Variants in DENND1B observed in about 807,000 individuals in gnomAD.
DENND1B encodes the protein DENN domain containing 1B.
A neutral mutation model predicts 90.1 loss-of-function variants in DENND1B; 59 were observed. That is an observed-to-expected ratio of 0.65 (90% CI 0.53 to 0.81). The LOEUF (loss-of-function observed/expected upper bound fraction) is 0.81. DENND1B is among the 40% of genes least tolerant of loss of function. The pLI is 0.00. For missense variants in DENND1B, 862 were observed against 912.6 expected (o/e 0.94, Z 0.71); for synonymous variants, 337 against 324.6 (o/e 1.04, Z -0.41).
intron 5 of DENND1B, among the ~76,000 whole-genome samples, chr1:197,661,634 T>A (rs16841857): frequency 0.034 from 5,144 of 152,152 alleles, 285 homozygotes; most frequent in African/African-American, 0.12. Flanking sequence ...TTAAATAAAG[T>A]GAGGCCTTTG....
chr1:197,638,209 A>T (rs1476816659), intron 10 of DENND1B, among the ~76,000 whole-genome samples: 1 of 152,236 alleles, frequency 6.6e-6, no homozygotes, highest in Non-Finnish European at 1.5e-5. Context: ...CAGTTTATTA[A>T]CGTAATTCCA....
At chr1:197,642,609 T>C in intron 10 of DENND1B, 102 bp downstream of exon 10, 1 of 709,696 alleles carries the variant, frequency 1.4e-6, no homozygotes, top group East Asian at 2.8e-5. Flanking sequence ...GTAGATATTG[T>C]CTTATAAGTA....
chr1:197,710,423 T>C lies in DENND1B; in HGVS notation c.126+4608A>G, dbSNP rs1480902171. ...TCAAACTAGAACTCAAGATTAAGAA[T>C]CTCACTCAAAGCCGCTCAACTACAT... On this transcript the variant is annotated intron_variant, in intron 3 of 22. Coordinates refer to ENST00000620048, the MANE Select transcript of DENND1B (RefSeq NM_001195215.2). Among the ~76,000 whole-genome samples, 2 of 34,134 alleles carry C rather than the reference T, an allele frequency of 5.9e-5. 1 individual carries two copies. Among genetic ancestry groups the C allele is most frequent in the Admixed American group, 5.9e-4 (2 of 3,410 alleles). 22.4% of individuals were successfully genotyped at this position (34,134 alleles called of 152,430 possible).
chr1:197,529,268 GTA>G (rs142916713), intron 20 of DENND1B, among the ~76,000 whole-genome samples: 703 of 13,892 alleles, frequency 0.051, 8 homozygotes, highest in African/African-American at 0.076. Flanking sequence ...GTGTGTGTGT[GTA>G]TATGTATATA....
At chr1:197,632,116 T>C (rs1442409378) in intron 10 of DENND1B, among the ~76,000 whole-genome samples, 1 of 152,144 alleles carries the variant, frequency 6.6e-6, no homozygotes, top group African/African-American at 2.4e-5. Context: ...TGTAACAATC[T>C]TTTAACTGAT....
chr1:197,511,036 T>A, intron 22 of DENND1B, 64 bp from the exon 23 acceptor site: 1 of 1,386,456 alleles, frequency 7.2e-7, no homozygotes, highest in Non-Finnish European at 9.5e-7. Flanking sequence ...AGTTCTTTTT[T>A]CTCTTTTGAA....
chr1:197,705,747 T>TA (rs1659469425), intron 3 of DENND1B, among the ~76,000 whole-genome samples: 3 of 151,212 alleles, frequency 2.0e-5, no homozygotes, highest in Non-Finnish European at 4.4e-5. Flanking sequence ...TATATATATA[T>TA]TGGAATGGTA....
Position 197,628,108 on chromosome 1 carries a change from T to A in DENND1B, c.673-10349A>T, listed in dbSNP as rs370009695. 2.0e-4 allele frequency among the ~76,000 whole-genome samples: 31 copies of A among 152,044 alleles called. 1 individual carries two copies. Among genetic ancestry groups the A allele is most frequent in the African/African-American group, 6.3e-4 (26 of 41,506 alleles). Reference sequence around the variant, plus strand: ...GAAAATGGCCATACTGCCCAAGGTATTTTATAGATTCAATGCCATCCCCAT... The same window carrying A: ...GAAAATGGCCATACTGCCCAAGGTAATTTATAGATTCAATGCCATCCCCAT... On this transcript the variant is annotated intron_variant, in intron 10 of 22. Coordinates refer to ENST00000620048, the MANE Select transcript of DENND1B (RefSeq NM_001195215.2).
At chr1:197,704,901 G>T (rs114202841) in intron 3 of DENND1B, among the ~76,000 whole-genome samples, 5 of 152,132 alleles carry the variant, frequency 3.3e-5, no homozygotes, top group Admixed American at 3.3e-4. Context: ...AGACAAACAT[G>T]TCTTCAAATC....
At chr1:197,645,095 G>C (rs893032054) in intron 9 of DENND1B, among the ~76,000 whole-genome samples, 1 of 152,032 alleles carries the variant, frequency 6.6e-6, no homozygotes, top group African/African-American at 2.4e-5. Context: ...ACTGAAAATA[G>C]TTCTAGTATG....
At chr1:197,748,366 T>C (rs559154339) in intron 2 of DENND1B, among the ~76,000 whole-genome samples, 2 of 152,328 alleles carry the variant, frequency 1.3e-5, no homozygotes, top group South Asian at 2.1e-4. Context: ...AAAAGAGTTA[T>C]GCAGTAGGCA....
At chr1:197,773,869 T>A (rs148734026) in intron 1 of DENND1B, among the ~76,000 whole-genome samples, 1 of 152,326 alleles carries the variant, frequency 6.6e-6, no homozygotes, top group East Asian at 1.9e-4. Context: ...TTATTCCTGC[T>A]AACAAGACCT....
At chr1:197,568,736 A>T (rs1672901306) in intron 15 of DENND1B, among the ~76,000 whole-genome samples, 2 of 152,202 alleles carry the variant, frequency 1.3e-5, no homozygotes, top group Admixed American at 6.5e-5. Context: ...GGTGCTAAGA[A>T]CACAAAATGG....
At chr1:197,527,882 T>C (rs540720922) in intron 20 of DENND1B, among the ~76,000 whole-genome samples, 1 of 152,304 alleles carries the variant, frequency 6.6e-6, no homozygotes, top group Non-Finnish European at 1.5e-5. Context: ...GAGTACACCA[T>C]TTCTTTCCTG....
chr1:197,566,376 G>C (rs949764884), intron 15 of DENND1B, among the ~76,000 whole-genome samples: 1 of 152,104 alleles, frequency 6.6e-6, no homozygotes, highest in East Asian at 1.9e-4. Flanking sequence ...GTTCATTGTA[G>C]ATTCTGGATA....
chr1:197,640,623 C>T (rs1680188862), intron 10 of DENND1B, among the ~76,000 whole-genome samples: 2 of 152,022 alleles, frequency 1.3e-5, no homozygotes, highest in Non-Finnish European at 2.9e-5. Context: ...GCTACTATTG[C>T]TCCTACTCTA....
chr1:197,746,109 A>G (rs1426417327), intron 2 of DENND1B, among the ~76,000 whole-genome samples: 2 of 152,188 alleles, frequency 1.3e-5, no homozygotes, highest in East Asian at 3.9e-4. Flanking sequence ...AAGAAAGTAC[A>G]AGGCCAGCAT....
At chr1:197,761,262 T>A (rs1450873660) in intron 2 of DENND1B, among the ~76,000 whole-genome samples, 2 of 152,128 alleles carry the variant, frequency 1.3e-5, no homozygotes, top group Non-Finnish European at 2.9e-5. Context: ...CAGAAATTGC[T>A]CTTTTAATAT....
chr1:197,721,389 A>G (rs929133321), intron 2 of DENND1B, among the ~76,000 whole-genome samples: 2 of 152,054 alleles, frequency 1.3e-5, no homozygotes, highest in East Asian at 3.9e-4. Flanking sequence ...ATTTCTAAAA[A>G]GCTCTCAGGT....
Sources: gnomAD v4.1 joint callset for allele counts (sites outside exome capture counted in the v4.1 genomes callset) on GRCh38, gnomAD v4.1.1 for gene constraint, MANE v1.5 for transcripts, NCBI Gene and HGNC (gene_info 2026-07-23, HGNC 2026-07-21) for gene names.